Variants in GRIK2 observed in about 807,000 individuals in gnomAD.
GRIK2 encodes the protein glutamate ionotropic receptor kainate type subunit 2.
GRIK2 carries 32 observed loss-of-function variants against 100.3 expected under a neutral mutation model. The observed-to-expected ratio is 0.32, with a 90% CI of 0.24 to 0.43. The LOEUF (loss-of-function observed/expected upper bound fraction) is 0.43. GRIK2 is among the 20% of genes least tolerant of loss of function. The probability of loss-of-function intolerance (pLI) is 1.00; values close to 1 mark genes in which losing one functional copy is unlikely to be tolerated. For missense variants in GRIK2, 843 were observed against 1,114.9 expected (o/e 0.76, Z 3.47); for synonymous variants, 417 against 389.4 (o/e 1.07, Z -0.83).
chr6:101,699,176 G>T lies in GRIK2; in HGVS notation c.951+12823G>T, dbSNP rs190037625. Among the ~76,000 whole-genome samples the T allele has an allele frequency of 3.3e-5, 5 of 152,248 alleles. No individual in the cohort carries two copies. The East Asian group carries it at 9.7e-4, about 29-fold the overall frequency. ...CAGTGCTAGAGTTACTGCCAGACCT[G>T]GGGTCCTGGTATTTCTGCTGAAAAT... is the stretch of plus-strand genomic sequence containing the variant. On this transcript the variant is annotated intron_variant, in intron 7 of 16. Coordinates refer to ENST00000369134, the MANE Select transcript of GRIK2 (RefSeq NM_021956.5).
At chr6:101,872,523 T>C (rs1377174356) in intron 11 of GRIK2, among the ~76,000 whole-genome samples, 1 of 151,770 alleles carries the variant, frequency 6.6e-6, no homozygotes, top group Non-Finnish European at 1.5e-5. Flanking sequence ...TACCATCTGG[T>C]CCCACTCACC....
chr6:102,066,818 G>A (rs957999624), intron 16 of GRIK2, among the ~76,000 whole-genome samples: 5 of 151,728 alleles, frequency 3.3e-5, no homozygotes, highest in East Asian at 1.9e-4. Flanking sequence ...TAGATTATCC[G>A]GGTAATTGTG....
chr6:101,563,145 A>T (rs1276866545), intron 2 of GRIK2, among the ~76,000 whole-genome samples: 2 of 152,154 alleles, frequency 1.3e-5, no homozygotes, highest in Non-Finnish European at 2.9e-5. Flanking sequence ...CTAATATGCG[A>T]CACATGTTTT....
At chr6:101,734,379 G>A (rs1369451421) in intron 7 of GRIK2, among the ~76,000 whole-genome samples, 2 of 152,148 alleles carry the variant, frequency 1.3e-5, no homozygotes. Flanking sequence ...TAACCTCAGG[G>A]CAGTCAGGCA....
chr6:101,730,623 T>C (rs1775195442), intron 7 of GRIK2, among the ~76,000 whole-genome samples: 1 of 151,908 alleles, frequency 6.6e-6, no homozygotes, highest in African/African-American at 2.4e-5. Flanking sequence ...CATTGTTTTA[T>C]GCTGGTCACC....
intron 2 of GRIK2, among the ~76,000 whole-genome samples, chr6:101,608,578 C>G (rs1779535914): frequency 6.6e-6 from 1 of 151,892 alleles, no homozygotes; most frequent in Middle Eastern, 3.4e-3. Flanking sequence ...GCAAAAAACA[C>G]TTATTGAGCA....
intron 14 of GRIK2, among the ~76,000 whole-genome samples, chr6:101,952,093 C>T (rs1791637896): frequency 6.6e-6 from 1 of 152,176 alleles, no homozygotes; most frequent in African/African-American, 2.4e-5. Context: ...CTTGACAGTG[C>T]CTAATCTGTT....
At chr6:101,789,393 G>C (rs1275076176) in intron 7 of GRIK2, among the ~76,000 whole-genome samples, 3 of 152,138 alleles carry the variant, frequency 2.0e-5, no homozygotes, top group Non-Finnish European at 4.4e-5. Flanking sequence ...TAAGGTGTAA[G>C]GAAGGGATCC....
At chr6:101,892,650 C>T (rs1485625680) in intron 12 of GRIK2, among the ~76,000 whole-genome samples, 1 of 151,410 alleles carries the variant, frequency 6.6e-6, no homozygotes, top group Admixed American at 6.6e-5. Context: ...AAACAAATTG[C>T]CTCATAAAAA....
At chr6:101,958,177 C>T (rs1426193620) in intron 14 of GRIK2, among the ~76,000 whole-genome samples, 2 of 149,498 alleles carry the variant, frequency 1.3e-5, no homozygotes, top group African/African-American at 4.9e-5. Context: ...GTGTCATCTA[C>T]AGTTTTTTTC....
At chr6:101,671,531 G>A (rs1459395512) in intron 4 of GRIK2, among the ~76,000 whole-genome samples, 2 of 152,044 alleles carry the variant, frequency 1.3e-5, no homozygotes, top group East Asian at 3.9e-4. Flanking sequence ...TGTAACGTCT[G>A]GAACACTCCA....
intron 10 of GRIK2, among the ~76,000 whole-genome samples, chr6:101,832,907 C>G (rs1027759253): frequency 6.6e-6 from 1 of 151,960 alleles, no homozygotes; most frequent in Non-Finnish European, 1.5e-5. Context: ...CTCAACTTTC[C>G]GATGAAATTC....
At chr6:101,764,643 T>C (rs1562368309) in intron 7 of GRIK2, among the ~76,000 whole-genome samples, 2 of 152,110 alleles carry the variant, frequency 1.3e-5, no homozygotes, top group Non-Finnish European at 2.9e-5. Context: ...CTTCTCTTCA[T>C]TATCATCATT....
chr6:101,689,523 A>C (rs979616447), intron 7 of GRIK2, among the ~76,000 whole-genome samples: 1 of 152,148 alleles, frequency 6.6e-6, no homozygotes, highest in Non-Finnish European at 1.5e-5. Flanking sequence ...TACTGAATAC[A>C]AAACCACTTC....
intron 4 of GRIK2, among the ~76,000 whole-genome samples, chr6:101,627,744 A>G (rs1484557471): frequency 9.2e-5 from 14 of 152,312 alleles, no homozygotes; most frequent in African/African-American, 3.4e-4. Context: ...AATTTACTAA[A>G]TGATATTTAT....
intron 14 of GRIK2, among the ~76,000 whole-genome samples, chr6:102,000,078 T>C (rs1794855842): frequency 6.6e-6 from 1 of 152,106 alleles, no homozygotes; most frequent in African/African-American, 2.4e-5. Context: ...TTTACATCTA[T>C]GTTCATGAGG....
chr6:101,542,000 A>G (rs1286031415), intron 2 of GRIK2, among the ~76,000 whole-genome samples: 2 of 152,132 alleles, frequency 1.3e-5, no homozygotes, highest in Non-Finnish European at 2.9e-5. Flanking sequence ...ATACACAATG[A>G]TATTTAAATG....
intron 10 of GRIK2, 116 bp from the exon 11 acceptor site, chr6:101,859,171 G>T: frequency 6.8e-6 from 4 of 586,538 alleles, no homozygotes; most frequent in Admixed American, 3.0e-5. Flanking sequence ...AGAAAATAAA[G>T]TTGACTGTTG....
chr6:101,974,454 G>A (rs981449873), intron 14 of GRIK2, among the ~76,000 whole-genome samples: 13 of 151,878 alleles, frequency 8.6e-5, no homozygotes. Flanking sequence ...ATTAGTCAAA[G>A]TTCTACAGAA....
Sources: gnomAD v4.1 joint callset for allele counts (sites outside exome capture counted in the v4.1 genomes callset) on GRCh38, gnomAD v4.1.1 for gene constraint, MANE v1.5 for transcripts, NCBI Gene and HGNC (gene_info 2026-07-23, HGNC 2026-07-21) for gene names.